TTF2: variants seen among roughly 807,000 people sequenced by gnomAD.
TTF2 encodes RNA polymerase II termination factor.
Under a neutral mutation model 142.4 loss-of-function variants are expected in TTF2, and 108 were observed. That is an observed-to-expected ratio of 0.76 (90% CI 0.65 to 0.89). The LOEUF is 0.89. Ranked by LOEUF, TTF2 falls within the 40% of genes least tolerant of loss-of-function variation. The pLI, the probability that TTF2 is intolerant of heterozygous loss-of-function variation, is 0.00. For synonymous variants in TTF2, 483 were observed against 506.2 expected (o/e 0.95, Z 0.61); for missense variants, 1,327 against 1,379.8 (o/e 0.96, Z 0.61).
In TTF2 at chr1:117,063,478, T is replaced by C. The variant is rs1010167470; in HGVS notation, c.218+1005T>C. ...GTGTTTTGATTGTTCTTGAACGTTA[T>C]ATAAATGAAATCCTACTGCATGTAC... On this transcript the variant is annotated intron_variant, in intron 3 of 22. Transcript: ENST00000369466. This position sits in a 1 kb window ranked among gnomAD's most constrained non-coding sequence, Gnocchi z 4.1. Among the ~76,000 whole-genome samples the C allele has an allele frequency of 6.6e-6, 1 of 152,390 alleles. No individual in the cohort carries two copies. The highest frequency in any genetic ancestry group is 6.5e-5 in the Admixed American group (1 of 15,302).
In TTF2 at chr1:117,084,020, T is replaced by G; in HGVS notation, c.1906T>G (p.Ser636Ala). 1 of 1,614,086 alleles carries G rather than the reference T, an allele frequency of 6.2e-7. No homozygotes were observed. Among genetic ancestry groups the G allele is most frequent in the Non-Finnish European group, 8.5e-7 (1 of 1,180,004 alleles). The change falls in exon 11 of 23, where the codon TCT becomes GCT. Residue 636 changes from serine (S) to alanine (A), a missense_variant and splice_region_variant. Ser to Ala is a moderately conservative substitution (Grantham distance 99). Transcript: ENST00000369466. ...TALTWLSKDD[S>A]CDFTSHGTLI... ...ACTGATTTTTTTCCCTTCTCAAGAC[T>G]CTTGTGACTTTACTTCCCATGGAAC...
chr1:117,074,435 G>A (rs1241191902), intron 4 of TTF2, among the ~76,000 whole-genome samples: 2 of 152,174 alleles, frequency 1.3e-5, no homozygotes, highest in Non-Finnish European at 2.9e-5. Flanking sequence ...AGCTTCGAAA[G>A]TATCGTGAAG....
Position 117,105,824 on chromosome 1 carries a change from C to A in TTF2, c.*4300C>A, listed in dbSNP as rs1364336356. The stretch of plus-strand genomic sequence containing the variant: ...TGTTTATGGGAGGTGACTTATTTCT[C>A]TATCAATCCTGTGAGTGATTTAGCA... On this transcript the variant is annotated 3_prime_UTR_variant, in exon 23 of 23. Transcript: ENST00000369466. The surrounding 1 kb of genome is among the most constrained non-coding windows in gnomAD (Gnocchi z 4.7). 6.6e-6 allele frequency: 1 copy of A among 152,154 alleles called. No homozygotes were observed. The highest frequency in any genetic ancestry group is 1.5e-5 in the Non-Finnish European group (1 of 68,016). 9.4% of individuals were successfully genotyped at this position (152,154 alleles called of 1,614,324 possible).
At chr1:117,078,097 C>T in intron 8 of TTF2, 54 bp downstream of exon 8, 1 of 1,584,640 alleles carries the variant, frequency 6.3e-7, no homozygotes, top group Non-Finnish European at 8.6e-7. Flanking sequence ...TCCAGCAGCC[C>T]CATGAAACTG....
At position 117,095,348 on chromosome 1, in the gene TTF2, A is replaced by T; in HGVS notation, c.3016A>T (p.Asn1006Tyr). ...GGCAGAATTGGAGGCAATTCAAAGAAATTCAGCATCCCAAAAGAGGTAACT... is the reference window on the plus strand; with the variant it reads ...GGCAGAATTGGAGGCAATTCAAAGATATTCAGCATCCCAAAAGAGGTAACT... ...LLAELEAIQR[N>Y]SASQKSVIVS... is the part of the protein sequence containing the mutation. Residue 1006 changes from asparagine (N) to tyrosine (Y), a missense_variant, in exon 19 of 23, where the codon AAT (asparagine) becomes TAT (tyrosine). Physicochemically the swap from Asn to Tyr is moderately radical, Grantham distance 143. Transcript: ENST00000369466. 2 of 1,614,174 alleles carry T rather than the reference A, an allele frequency of 1.2e-6. No individual in the cohort carries two copies. Among genetic ancestry groups the T allele is most frequent in the Non-Finnish European group, 1.7e-6 (2 of 1,180,022 alleles).
rs1160810481 is a variant in TTF2, at chr1:117,101,274, A to C, written c.3345-106A>C. On this transcript the variant is annotated intron_variant, in intron 22 of 22. Transcript: ENST00000369466. The surrounding 1 kb of genome is among the most constrained non-coding windows in gnomAD (Gnocchi z 5.9). Reference sequence around the variant, plus strand: ...AACTGGACCTAAGAAGACTTAAAGGAAGAAATCTCATTAAAAATGAAAGCA... The same window carrying C: ...AACTGGACCTAAGAAGACTTAAAGGCAGAAATCTCATTAAAAATGAAAGCA... 8.0e-7 allele frequency: 1 copy of C among 1,255,158 alleles called. No homozygotes were observed. The highest frequency in any genetic ancestry group is 1.1e-6 in the Non-Finnish European group (1 of 928,310). The allele number at this position is 1,255,158 out of a possible 1,614,324, so 77.8% of individuals were successfully genotyped here. A position where few individuals can be genotyped will look rare whatever the true frequency, so the allele number is the denominator to read the frequency against.
chr1:117,090,319 A>G lies in TTF2; in HGVS notation c.2496+111A>G, dbSNP rs990416601. On this transcript the variant is annotated intron_variant, in intron 14 of 22. Transcript: ENST00000369466. The surrounding 1 kb of genome is among the most constrained non-coding windows in gnomAD (Gnocchi z 4.8). The stretch of plus-strand genomic sequence containing the variant: ...TGCTTCAGGAGCCTCTGAGTTTCCC[A>G]TCCTCCTGTGAGGAGGCCCCAGGGT... 4 of 1,457,974 alleles carry G rather than the reference A, an allele frequency of 2.7e-6. No individual in the cohort carries two copies. Among genetic ancestry groups the G allele is most frequent in the East Asian group, 4.5e-5 (2 of 43,992 alleles). The allele number at this position is 1,457,974 out of a possible 1,614,324, so 90.3% of individuals were successfully genotyped here.
chr1:117,086,483 G>A lies in TTF2; in HGVS notation c.2121G>A (p.Lys707=). Residue 707 remains lysine (K), a synonymous_variant, in exon 12 of 23, where the codon AAG becomes AAA. Coordinates refer to ENST00000369466, the MANE Select transcript of TTF2 (RefSeq NM_003594.4). The surrounding 1 kb of genome is among the most constrained non-coding windows in gnomAD (Gnocchi z 4.2). ...SLVAKEIPTN[K]QEAEIPGANL... is the part of the protein sequence containing the mutation. Reference sequence around the variant, plus strand: ...TGGCCAAGGAGATTCCCACAAACAAGCAAGAGGCAGAGATCCCAGGTGCAA... The same window carrying A: ...TGGCCAAGGAGATTCCCACAAACAAACAAGAGGCAGAGATCCCAGGTGCAA... 6.2e-7 allele frequency: 1 copy of A among 1,614,114 alleles called. No homozygotes were observed. The highest frequency in any genetic ancestry group is 8.5e-7 in the Non-Finnish European group (1 of 1,180,008).
chr1:117,084,782 A>G (rs1647862124), intron 11 of TTF2, among the ~76,000 whole-genome samples: 1 of 152,088 alleles, frequency 6.6e-6, no homozygotes, highest in South Asian at 2.1e-4. Flanking sequence ...TTGCGGAGTG[A>G]AGATCTAGAT....
chr1:117,077,852 C>T, intron 7 of TTF2, 64 bp from the exon 8 acceptor site: 1 of 1,590,236 alleles, frequency 6.3e-7, no homozygotes, highest in Non-Finnish European at 8.6e-7. Flanking sequence ...TAGCTAAGTT[C>T]ACTCTAAAGG....
intron 3 of TTF2, among the ~76,000 whole-genome samples, chr1:117,068,923 T>C (rs1557802851): frequency 6.6e-6 from 1 of 152,242 alleles, no homozygotes; most frequent in Non-Finnish European, 1.5e-5. Context: ...TTTCCCAGTT[T>C]GCTTTTTGTC....
chr1:117,073,631 C>T lies in TTF2; in HGVS notation c.219-30C>T, dbSNP rs760345040. 6 of 1,575,500 alleles carry T rather than the reference C, an allele frequency of 3.8e-6. No individual in the cohort carries two copies. The highest frequency in any genetic ancestry group is 4.3e-6 in the Non-Finnish European group (5 of 1,151,768). ...TCTTGTTCTAATGGATTTTCATAGC[C>T]TTGATTATTTGTGTTTTATACTTCA... On this transcript the variant is annotated intron_variant, in intron 3 of 22. Transcript: ENST00000369466. This position sits in a 1 kb window ranked among gnomAD's most constrained non-coding sequence, Gnocchi z 4.4.
intron 3 of TTF2, among the ~76,000 whole-genome samples, chr1:117,068,878 A>G (rs994751341): frequency 6.6e-6 from 1 of 152,214 alleles, no homozygotes; most frequent in Non-Finnish European, 1.5e-5. Context: ...TGTATAAAGT[A>G]TAGTAACCCT....
rs1656885029 is a variant in TTF2 at position 117,075,122 on chromosome 1, T to C, written c.538T>C (p.Ser180Pro). 2 of 1,614,002 alleles carry C rather than the reference T, an allele frequency of 1.2e-6. No homozygotes were observed. The highest frequency in any genetic ancestry group is 1.7e-6 in the Non-Finnish European group (2 of 1,180,036). The change falls in exon 5 of 23, where the codon TCT becomes CCT. Residue 180 changes from serine to proline, a missense_variant. Transcript: ENST00000369466. The surrounding 1 kb of genome is among the most constrained non-coding windows in gnomAD (Gnocchi z 4.5). ...TGAAATGATGGAGAAAGACCTCTCATCTGGCCTGGTACCAAAGAAAAAACA... is the reference window on the plus strand; with the variant it reads ...TGAAATGATGGAGAAAGACCTCTCACCTGGCCTGGTACCAAAGAAAAAACA... ...KPEMMEKDLS[S>P]GLVPKKKQSV...
intron 19 of TTF2, 75 bp downstream of exon 19, chr1:117,095,442 ATCAAGGACTG>A: frequency 1.4e-6 from 2 of 1,389,944 alleles, no homozygotes; most frequent in South Asian, 2.3e-5. Flanking sequence ...AGAGTTATAA[ATCAAGGACTG>A]TGAGTCATGC....
intron 10 of TTF2, chr1:117,082,153 A>ATAAACTAG: frequency 1.5e-6 from 1 of 685,244 alleles, no homozygotes; most frequent in Non-Finnish European, 2.4e-6. Flanking sequence ...AAATTTGCCT[A>ATAAACTAG]TAAACTAGGC....
chr1:117,098,616 T>C (rs768423670), intron 21 of TTF2: 5 of 457,982 alleles, frequency 1.1e-5, no homozygotes, highest in Admixed American at 7.4e-5. Flanking sequence ...GATCGACAGA[T>C]TTTTTTTCTT....
rs1649639878 is a variant in TTF2 at position 117,102,233 on chromosome 1, G to A, written c.*709G>A. The A allele has an allele frequency of 1.3e-5, 2 of 152,176 alleles. No homozygotes were observed. Among genetic ancestry groups the A allele is most frequent in the Non-Finnish European group, 2.9e-5 (2 of 68,034 alleles). 9.4% of individuals were successfully genotyped at this position (152,176 alleles called of 1,614,324 possible). A position where few individuals can be genotyped will look rare whatever the true frequency, so the allele number is the denominator to read the frequency against. ...ACCAGTTACTACCTTCTCTAACACA[G>A]GCTCCATCCTATCTCTTCATCTCTT... On this transcript the variant is annotated 3_prime_UTR_variant, in exon 23 of 23. Coordinates refer to ENST00000369466, the MANE Select transcript of TTF2 (RefSeq NM_003594.4).
At chr1:117,088,523 C>T (rs973346829) in intron 12 of TTF2, among the ~76,000 whole-genome samples, 4 of 151,382 alleles carry the variant, frequency 2.6e-5, no homozygotes, top group South Asian at 2.1e-4. Context: ...GGCGACGGAG[C>T]GAGACTCCCA....
Sources: allele counts gnomAD v4.1 joint callset (sites outside exome capture counted in the v4.1 genomes callset), GRCh38; gene constraint gnomAD v4.1.1; non-coding constraint Gnocchi (gnomAD v3.1); transcripts MANE v1.5; gene names NCBI Gene and HGNC (gene_info 2026-07-23, HGNC 2026-07-21).